Variants in CBFA2T3 observed in about 807,000 individuals in gnomAD.
CBFA2T3 encodes CBFA2/RUNX1 partner transcriptional co-repressor 3.
In CBFA2T3, 31 loss-of-function variants were observed where a neutral mutation model predicts 58.6. That is an observed-to-expected ratio of 0.53 (90% CI 0.40 to 0.71). The LOEUF (loss-of-function observed/expected upper bound fraction) is 0.71. Among genes scored for constraint, CBFA2T3 ranks in the 30% least tolerant of loss-of-function variants. The pLI is 0.00. For synonymous variants in CBFA2T3, 531 were observed against 421.9 expected, an observed-to-expected ratio of 1.26 and a Z score of -3.17; for missense variants, 1,076 against 963.1, an observed-to-expected ratio of 1.12 and a Z score of -1.55.
intron 1 of CBFA2T3, among the ~76,000 whole-genome samples, chr16:88,974,401 C>A (rs189267454): frequency 1.3e-5 from 2 of 152,028 alleles, no homozygotes; most frequent in South Asian, 2.1e-4. Flanking sequence ...GGGGTCCCGG[C>A]CCCCAGACGG....
chr16:88,886,437 C>T (rs138678362), intron 5 of CBFA2T3: 4 of 316,338 alleles, frequency 1.3e-5, no homozygotes, highest in African/African-American at 2.1e-5. Context: ...GCTTTCCCAC[C>T]GCACCCAGCT....
intron 3 of CBFA2T3, among the ~76,000 whole-genome samples, chr16:88,895,744 C>CA (rs1410462385): frequency 6.6e-6 from 1 of 152,202 alleles, no homozygotes; most frequent in Non-Finnish European, 1.5e-5. Context: ...GGGGATGCTA[C>CA]AGAGGCCCTC....
At chr16:88,931,670 A>G (rs556551957) in intron 1 of CBFA2T3, among the ~76,000 whole-genome samples, 2 of 152,182 alleles carry the variant, frequency 1.3e-5, no homozygotes, top group African/African-American at 4.8e-5. Context: ...CCCATGGTGC[A>G]GAGTGAGCAG....
At chr16:88,974,266 C>T (rs541419464) in intron 1 of CBFA2T3, among the ~76,000 whole-genome samples, 42 of 152,314 alleles carry the variant, frequency 2.8e-4, no homozygotes, top group African/African-American at 7.0e-4. Flanking sequence ...GCACACACAG[C>T]GGGCGCCTCG....
chr16:88,944,200 G>A (rs543343863), intron 1 of CBFA2T3, among the ~76,000 whole-genome samples: 2 of 151,950 alleles, frequency 1.3e-5, no homozygotes, highest in Admixed American at 6.6e-5. Flanking sequence ...AGCCGGGCGT[G>A]GTTGCAGGTG....
In CBFA2T3 at chr16:88,894,439, T is replaced by C. The variant is rs138590953; in HGVS notation, c.380-1954A>G. 1.0e-3 allele frequency among the ~76,000 whole-genome samples: 97 copies of C among 95,118 alleles called. 16 individuals are homozygous for C. Among genetic ancestry groups the C allele is most frequent in the African/African-American group, 3.8e-3 (63 of 16,408 alleles). The allele number at this position is 95,118 out of a possible 152,430, so 62.4% of individuals were successfully genotyped here. On this transcript the variant is annotated intron_variant, in intron 3 of 11. Coordinates refer to ENST00000268679, the MANE Select transcript of CBFA2T3 (RefSeq NM_005187.6). ...TGCATACATATACACATGCACACAA[T>C]GTACACACATGCACGCACACATGCA...
At chr16:88,963,498 A>G (rs1432507778) in intron 1 of CBFA2T3, among the ~76,000 whole-genome samples, 3 of 152,142 alleles carry the variant, frequency 2.0e-5, no homozygotes, top group Non-Finnish European at 4.4e-5. Context: ...AGAGCACATC[A>G]TCAACCTCGC....
At chr16:88,941,430 G>T (rs1008826429) in intron 1 of CBFA2T3, among the ~76,000 whole-genome samples, 2 of 146,802 alleles carry the variant, frequency 1.4e-5, no homozygotes, top group African/African-American at 4.9e-5. Context: ...CCTGCCTCCC[G>T]CCCGGCGCCC....
At chr16:88,901,907 T>C (rs1970113895) in intron 1 of CBFA2T3, among the ~76,000 whole-genome samples, 1 of 152,124 alleles carries the variant, frequency 6.6e-6, no homozygotes, top group Non-Finnish European at 1.5e-5. Context: ...CCTCGGTGTG[T>C]GGCCGCCCTG....
intron 1 of CBFA2T3, among the ~76,000 whole-genome samples, chr16:88,956,252 G>A (rs866355258): frequency 1.1e-4 from 16 of 152,290 alleles, no homozygotes; most frequent in African/African-American, 2.2e-4. Context: ...TTTATCACGC[G>A]TGTGACGGAG....
chr16:88,902,972 C>A (rs957305586), intron 1 of CBFA2T3, among the ~76,000 whole-genome samples: 12 of 152,098 alleles, frequency 7.9e-5, no homozygotes, highest in African/African-American at 2.9e-4. Context: ...TGCCCTGCAC[C>A]CTCCTCCTGT....
intron 1 of CBFA2T3, among the ~76,000 whole-genome samples, chr16:88,902,883 T>C (rs1272713847): frequency 2.0e-5 from 3 of 152,064 alleles, no homozygotes; most frequent in African/African-American, 7.2e-5. Flanking sequence ...CGCACCCTGC[T>C]CCTGCTGACA....
At chr16:88,928,054 C>T (rs1328539367) in intron 1 of CBFA2T3, among the ~76,000 whole-genome samples, 1 of 152,190 alleles carries the variant, frequency 6.6e-6, no homozygotes, top group Non-Finnish European at 1.5e-5. Flanking sequence ...CACCCCCAAG[C>T]CGAGCCTTTG....
intron 5 of CBFA2T3, among the ~76,000 whole-genome samples, chr16:88,887,438 C>T (rs1969423646): frequency 6.6e-6 from 1 of 152,192 alleles, no homozygotes; most frequent in Admixed American, 6.5e-5. Context: ...CATCTGGATC[C>T]CTGGCTGGCT....
chr16:88,881,028 C>T (rs1241342560), intron 9 of CBFA2T3: 1 of 699,524 alleles, frequency 1.4e-6, no homozygotes, highest in Non-Finnish European at 2.6e-6. Context: ...TGGGCCTCTC[C>T]TGTGTCAGCA....
At chr16:88,934,259 G>A (rs1971422574) in intron 1 of CBFA2T3, among the ~76,000 whole-genome samples, 1 of 152,134 alleles carries the variant, frequency 6.6e-6, no homozygotes, top group Non-Finnish European at 1.5e-5. Flanking sequence ...AGGCACGGGC[G>A]AGAAGGGCTG....
intron 1 of CBFA2T3, among the ~76,000 whole-genome samples, chr16:88,975,386 G>T (rs138297369): frequency 3.6e-3 from 551 of 152,304 alleles, no homozygotes; most frequent in African/African-American, 0.012. Context: ...ACAAAGCGGC[G>T]GCTCTCCATG....
intron 1 of CBFA2T3, among the ~76,000 whole-genome samples, chr16:88,925,288 C>A: frequency 6.6e-6 from 1 of 152,166 alleles, no homozygotes; most frequent in Non-Finnish European, 1.5e-5. Context: ...GTGGCAGCTG[C>A]TCGGGGGAGA....
intron 1 of CBFA2T3, among the ~76,000 whole-genome samples, chr16:88,974,081 C>T (rs952912444): frequency 6.6e-6 from 1 of 152,202 alleles, no homozygotes; most frequent in Non-Finnish European, 1.5e-5. Flanking sequence ...AACTTCTCTG[C>T]CTCAGCCTAC....
Sources: gnomAD v4.1 joint callset for allele counts (sites outside exome capture counted in the v4.1 genomes callset) on GRCh38, gnomAD v4.1.1 for gene constraint, MANE v1.5 for transcripts, NCBI Gene and HGNC (gene_info 2026-07-23, HGNC 2026-07-21) for gene names.